AVEN: variants seen among roughly 807,000 people sequenced by gnomAD.
AVEN encodes the protein apoptosis and caspase activation inhibitor, also known as cell death regulator Aven.
AVEN carries 41 observed loss-of-function variants against 38.1 expected under a neutral mutation model. The observed-to-expected ratio is 1.08, with a 90% CI of 0.84 to 1.40. The LOEUF (loss-of-function observed/expected upper bound fraction) is 1.40, where lower values mean the gene tolerates loss of function less well. Among genes scored for constraint, AVEN ranks in the 40% most tolerant of loss-of-function variants. AVEN has a pLI of 0.00. For missense variants in AVEN, 605 were observed against 438.8 expected, an observed-to-expected ratio of 1.38 and a Z score of -3.38; for synonymous variants, 206 against 171.8, an observed-to-expected ratio of 1.20 and a Z score of -1.56.
chr15:34,020,672 G>C (rs543940728), intron 1 of AVEN, among the ~76,000 whole-genome samples: 1 of 152,132 alleles, frequency 6.6e-6, no homozygotes, highest in Non-Finnish European at 1.5e-5. Context: ...CTTCATAAAA[G>C]CTCCTCATAT....
the AVEN span, chr15:33,852,078 A>G: frequency 3.3e-5 from 1 of 29,862 alleles, no homozygotes; most frequent in South Asian, 1.2e-3. Flanking sequence ...AGGTCAGTGA[A>G]TAGTAGGAGG....
At chr15:33,948,845 G>C (rs1363759016) in intron 2 of AVEN, among the ~76,000 whole-genome samples, 6 of 152,000 alleles carry the variant, frequency 3.9e-5, no homozygotes, top group Non-Finnish European at 8.8e-5. Context: ...GCTAACTTTT[G>C]TATTTTTATC....
intron 1 of AVEN, among the ~76,000 whole-genome samples, chr15:34,074,123 G>A (rs1900689910): frequency 6.8e-6 from 1 of 147,618 alleles, no homozygotes; most frequent in African/African-American, 2.5e-5. Context: ...TCAGCCTTCT[G>A]AGTAGCTGGG....
intron 2 of AVEN, among the ~76,000 whole-genome samples, chr15:33,984,471 C>T (rs564615405): frequency 8.6e-4 from 131 of 151,718 alleles, no homozygotes; most frequent in African/African-American, 3.0e-3. Flanking sequence ...GGCATGATCT[C>T]GGCTCACTGC....
chr15:34,025,094 C>T (rs907369437), intron 1 of AVEN, among the ~76,000 whole-genome samples: 5 of 151,858 alleles, frequency 3.3e-5, no homozygotes, highest in Admixed American at 6.6e-5. Flanking sequence ...CGTTTGAGCC[C>T]GGGAGGCAGA....
intron 2 of AVEN, among the ~76,000 whole-genome samples, chr15:33,967,767 C>T (rs1895446859): frequency 1.3e-5 from 2 of 151,638 alleles, no homozygotes; most frequent in African/African-American, 4.8e-5. Flanking sequence ...ATGAAATTGA[C>T]ATTTAAAAAT....
At chr15:33,949,046 G>A (rs1040274904) in intron 2 of AVEN, among the ~76,000 whole-genome samples, 6 of 151,616 alleles carry the variant, frequency 4.0e-5, no homozygotes, top group Non-Finnish European at 1.5e-5. Context: ...TTTTTGAGAC[G>A]GAGTTTTGCC....
intron 2 of AVEN, among the ~76,000 whole-genome samples, chr15:33,886,231 C>A (rs1330685027): frequency 6.6e-6 from 1 of 152,176 alleles, no homozygotes; most frequent in Non-Finnish European, 1.5e-5. Flanking sequence ...GAAAGGGACC[C>A]AGTGGGAGAT....
At chr15:33,983,918 C>T (rs1896306003) in intron 2 of AVEN, among the ~76,000 whole-genome samples, 1 of 146,342 alleles carries the variant, frequency 6.8e-6, no homozygotes, top group Non-Finnish European at 1.5e-5. Flanking sequence ...TCCATAATCT[C>T]AGCCTCATCA....
chr15:34,042,396 G>GT (rs35456951), upstream of AVEN, among the ~76,000 whole-genome samples: 3,823 of 130,330 alleles, frequency 0.029, 199 homozygotes, highest in Admixed American at 0.083. Flanking sequence ...CATGACCTAA[G>GT]TTTTTTTTTT....
intron 2 of AVEN, among the ~76,000 whole-genome samples, chr15:33,887,719 G>C (rs190049916): frequency 7.1e-4 from 108 of 152,134 alleles, no homozygotes; most frequent in African/African-American, 2.5e-3. Context: ...TTTCCTCAAG[G>C]ACTTAGAGGG....
intron 1 of AVEN, among the ~76,000 whole-genome samples, chr15:34,037,464 T>C (rs943260929): frequency 6.6e-6 from 1 of 150,554 alleles, no homozygotes; most frequent in Admixed American, 6.6e-5. Context: ...GATTACTCTC[T>C]ATATATGGAT....
intron 2 of AVEN, among the ~76,000 whole-genome samples, chr15:33,958,736 C>T (rs1419292347): frequency 6.6e-6 from 1 of 152,144 alleles, no homozygotes; most frequent in Admixed American, 6.6e-5. Flanking sequence ...CTAATCCCAC[C>T]ATCCTAGTTC....
intron 5 of AVEN, among the ~76,000 whole-genome samples, chr15:34,050,473 G>C (rs576434126): frequency 1.3e-5 from 2 of 152,162 alleles, no homozygotes; most frequent in Non-Finnish European, 2.9e-5. Context: ...CTAGCATCAT[G>C]ATGACAGGAT....
Position 33,866,235 on chromosome 15 carries a change from C to G in AVEN, c.*378G>C, listed in dbSNP as rs976003855. 2.0e-5 allele frequency: 4 copies of G among 201,328 alleles called. No homozygotes were observed. Among genetic ancestry groups the G allele is most frequent in the Non-Finnish European group, 4.0e-5 (4 of 98,786 alleles). 12.5% of individuals were successfully genotyped at this position (201,328 alleles called of 1,614,324 possible). On this transcript the variant is annotated 3_prime_UTR_variant, in exon 6 of 6. Transcript: ENST00000306730. Reference sequence around the variant, plus strand: ...AGAAAGGAAAGGAAAACTGGACAGACCAGCATTTGTTTATTTTGGCCAAAT... The same window carrying G: ...AGAAAGGAAAGGAAAACTGGACAGAGCAGCATTTGTTTATTTTGGCCAAAT...
At chr15:34,033,621 A>G (rs1898968329) in intron 1 of AVEN, among the ~76,000 whole-genome samples, 2 of 152,244 alleles carry the variant, frequency 1.3e-5, no homozygotes, top group Admixed American at 1.3e-4. Flanking sequence ...AACATTTTTT[A>G]AGTCAACATT....
downstream of AVEN, chr15:33,855,736 CATTATATAGTTAATACAT>C (rs1368793643): frequency 2.6e-5 from 4 of 152,134 alleles, no homozygotes; most frequent in Non-Finnish European, 5.9e-5. Flanking sequence ...TGTGTATATA[CATTATATAGTTAATACAT>C]ATTATATAGT....
At chr15:33,881,808 C>T (rs914739612) in intron 2 of AVEN, among the ~76,000 whole-genome samples, 4 of 152,114 alleles carry the variant, frequency 2.6e-5, no homozygotes, top group Non-Finnish European at 4.4e-5. Flanking sequence ...CATTCCACTC[C>T]AGCTTTATTT....
chr15:34,031,201 T>A (rs1898791034), intron 1 of AVEN, among the ~76,000 whole-genome samples: 1 of 114,396 alleles, frequency 8.7e-6, no homozygotes, highest in Non-Finnish European at 1.8e-5. Flanking sequence ...TGAGACTGAG[T>A]TTTGCTCTTG....
Sources: gnomAD v4.1 joint callset for allele counts (sites outside exome capture counted in the v4.1 genomes callset) on GRCh38, gnomAD v4.1.1 for gene constraint, MANE v1.5 for transcripts, NCBI Gene and HGNC (gene_info 2026-07-23, HGNC 2026-07-21) for gene names.